Variants in MANBA observed in about 807,000 individuals in gnomAD.
The protein encoded by MANBA is mannosidase beta.
MANBA carries 83 observed loss-of-function variants against 111.1 expected under a neutral mutation model. The observed-to-expected ratio is 0.75, with a 90% CI of 0.63 to 0.90. MANBA has a LOEUF of 0.90. MANBA is among the 40% of genes least tolerant of loss of function. The pLI is 0.00. For synonymous variants in MANBA, 370 were observed against 378.7 expected, an observed-to-expected ratio of 0.98 and a Z score of 0.27; for missense variants, 1,036 against 1,069.0, an observed-to-expected ratio of 0.97 and a Z score of 0.43.
chr4:102,663,679 T>C (rs974661041), intron 11 of MANBA, among the ~76,000 whole-genome samples: 2 of 152,226 alleles, frequency 1.3e-5, no homozygotes, highest in African/African-American at 2.4e-5. Context: ...TTTTAAAAAA[T>C]AGATGCCTTT....
chr4:102,680,472 G>A (rs541655290), intron 7 of MANBA, among the ~76,000 whole-genome samples: 15 of 152,144 alleles, frequency 9.9e-5, no homozygotes, highest in African/African-American at 3.6e-4. Flanking sequence ...TTTTTCTACT[G>A]TGGCCCAGCT....
At chr4:102,675,159 T>C (rs2110227612) in intron 7 of MANBA, among the ~76,000 whole-genome samples, 1 of 152,322 alleles carries the variant, frequency 6.6e-6, no homozygotes, top group South Asian at 2.1e-4. Flanking sequence ...TCTAGAACAG[T>C]GCATGGTTCT....
intron 1 of MANBA, among the ~76,000 whole-genome samples, chr4:102,736,805 T>C (rs1723231728): frequency 6.6e-6 from 1 of 152,116 alleles, no homozygotes; most frequent in African/African-American, 2.4e-5. Context: ...CACAGGAACA[T>C]ACCGGGAAAA....
intron 10 of MANBA, chr4:102,665,934 T>A (rs938291276): frequency 6.6e-6 from 1 of 152,224 alleles, no homozygotes; most frequent in South Asian, 2.1e-4. Flanking sequence ...TGAAGGTATA[T>A]TAAAGAGATA....
At chr4:102,696,488 G>A (rs1463319359) in intron 5 of MANBA, among the ~76,000 whole-genome samples, 1 of 152,154 alleles carries the variant, frequency 6.6e-6, no homozygotes, top group African/African-American at 2.4e-5. Context: ...CAAATATGTT[G>A]TCTCTAACTC....
intron 11 of MANBA, among the ~76,000 whole-genome samples, chr4:102,661,537 A>C (rs1197288872): frequency 6.6e-6 from 1 of 152,212 alleles, no homozygotes; most frequent in Admixed American, 6.5e-5. Flanking sequence ...TTTTTGCTAC[A>C]ATGGCTTTGA....
At chr4:102,756,553 C>T (rs1042884530) in intron 1 of MANBA, among the ~76,000 whole-genome samples, 1 of 151,832 alleles carries the variant, frequency 6.6e-6, no homozygotes, top group Non-Finnish European at 1.5e-5. Context: ...GGGTGCAGCA[C>T]ACCAACATGG....
chr4:102,667,343 T>C (rs1278359288), intron 10 of MANBA: 3 of 151,924 alleles, frequency 2.0e-5, no homozygotes, highest in Non-Finnish European at 4.4e-5. Context: ...AGCACGGGGG[T>C]GAGAAAGTAA....
At chr4:102,748,766 A>G (rs527578861) in intron 1 of MANBA, among the ~76,000 whole-genome samples, 3 of 152,272 alleles carry the variant, frequency 2.0e-5, no homozygotes, top group Non-Finnish European at 4.4e-5. Context: ...TACAAAAATT[A>G]GCCAGGTGTG....
At chr4:102,754,046 T>C (rs2110213010) in intron 1 of MANBA, 2 of 273,956 alleles carry the variant, frequency 7.3e-6, no homozygotes, top group African/African-American at 2.4e-5. Context: ...TAAAGATAAA[T>C]AGCCAAAAGA....
At chr4:102,703,554 A>C (rs1414526672) in intron 5 of MANBA, among the ~76,000 whole-genome samples, 1 of 152,144 alleles carries the variant, frequency 6.6e-6, no homozygotes, top group Non-Finnish European at 1.5e-5. Flanking sequence ...AACCTCCCCA[A>C]ATTGCTCCTG....
At chr4:102,681,661 T>A (rs748410722) in intron 7 of MANBA, 2 of 152,222 alleles carry the variant, frequency 1.3e-5, no homozygotes, top group Non-Finnish European at 2.9e-5. Flanking sequence ...TTCTCCTTTT[T>A]TATAATCACT....
intron 5 of MANBA, among the ~76,000 whole-genome samples, chr4:102,697,007 T>A (rs981701961): frequency 2.6e-5 from 4 of 152,134 alleles, no homozygotes; most frequent in Non-Finnish European, 4.4e-5. Flanking sequence ...TTCCCTCTTC[T>A]TCACCAAGCA....
At chr4:102,737,120 G>C (rs1723242970) in intron 1 of MANBA, among the ~76,000 whole-genome samples, 1 of 152,186 alleles carries the variant, frequency 6.6e-6, no homozygotes, top group African/African-American at 2.4e-5. Context: ...TTTGGGGAAG[G>C]GAAGGCACCC....
chr4:102,708,805 C>T (rs1022571712), intron 5 of MANBA, among the ~76,000 whole-genome samples: 2 of 151,562 alleles, frequency 1.3e-5, no homozygotes, highest in Non-Finnish European at 1.5e-5. Flanking sequence ...GTACTTTAGA[C>T]CAAATGAACC....
chr4:102,734,814 C>T (rs1212760009), intron 1 of MANBA, among the ~76,000 whole-genome samples: 1 of 152,188 alleles, frequency 6.6e-6, no homozygotes, highest in African/African-American at 2.4e-5. Context: ...CTTCCTTCTG[C>T]TTCTGTGATG....
intron 1 of MANBA, chr4:102,730,386 A>C (rs985033517): frequency 8.1e-6 from 4 of 494,168 alleles, no homozygotes; most frequent in Non-Finnish European, 1.5e-5. Context: ...TAGTGTAGCA[A>C]GTCGGCAACC....
intron 11 of MANBA, among the ~76,000 whole-genome samples, chr4:102,661,888 C>A (rs894513448): frequency 3.3e-5 from 5 of 152,206 alleles, no homozygotes; most frequent in African/African-American, 1.2e-4. Context: ...CCAATCATTA[C>A]AGCCAATTTG....
At position 102,737,454 on chromosome 4, in the gene MANBA, G is replaced by T. The variant is rs572678028; in HGVS notation, c.178-10771C>A. ...GACTGGCCTTGCTGGCTTCATGGAAGATGGGTAAGGCCTGTGGTGTTTTTT... is the reference window on the plus strand; with the variant it reads ...GACTGGCCTTGCTGGCTTCATGGAATATGGGTAAGGCCTGTGGTGTTTTTT... On this transcript the variant is annotated intron_variant, in intron 1 of 16. Transcript: ENST00000647097. 6.6e-5 allele frequency among the ~76,000 whole-genome samples: 10 copies of T among 152,212 alleles called. No individual in the cohort carries two copies. The South Asian group carries it at 1.9e-3, about 28-fold the overall frequency.
Sources: gnomAD v4.1 joint callset for allele counts (sites outside exome capture counted in the v4.1 genomes callset) on GRCh38, gnomAD v4.1.1 for gene constraint, MANE v1.5 for transcripts, NCBI Gene and HGNC (gene_info 2026-07-23, HGNC 2026-07-21) for gene names.